LOC128706666: variants seen among roughly 807,000 people sequenced by gnomAD.
the LOC128706666 span, among the ~76,000 whole-genome samples, chr20:10,429,831 A>G: frequency 6.6e-6 from 1 of 152,168 alleles, no homozygotes; most frequent in Non-Finnish European, 1.5e-5. Flanking sequence ...GCCATTAGCA[A>G]CACTTGGGAA....
At chr20:10,417,085 T>C in the LOC128706666 span, among the ~76,000 whole-genome samples, 2 of 151,780 alleles carry the variant, frequency 1.3e-5, no homozygotes. Flanking sequence ...CTGTCTCTAC[T>C]AAAAAAATAC....
chr20:10,433,471 T>C, the LOC128706666 span, among the ~76,000 whole-genome samples: 1 of 152,204 alleles, frequency 6.6e-6, no homozygotes. Context: ...GACACGTGTA[T>C]ATCTGTTTAT....
At chr20:10,414,872 T>C in the LOC128706666 span, among the ~76,000 whole-genome samples, 1 of 152,182 alleles carries the variant, frequency 6.6e-6, no homozygotes, top group Non-Finnish European at 1.5e-5. Context: ...TTTTACGTTA[T>C]CAATCAATGA....
At chr20:10,418,121 G>T in the LOC128706666 span, among the ~76,000 whole-genome samples, 1 of 152,300 alleles carries the variant, frequency 6.6e-6, no homozygotes, top group Admixed American at 6.5e-5. Flanking sequence ...ATGCAAATGT[G>T]TTTGTGTATG....
the LOC128706666 span, among the ~76,000 whole-genome samples, chr20:10,414,763 A>G: frequency 3.9e-5 from 6 of 152,186 alleles, no homozygotes; most frequent in African/African-American, 1.4e-4. Context: ...TCACTAATGT[A>G]TAGTCTATAT....
At chr20:10,415,911 T>C in the LOC128706666 span, among the ~76,000 whole-genome samples, 104 of 152,202 alleles carry the variant, frequency 6.8e-4, 1 homozygote, top group African/African-American at 2.4e-3. Flanking sequence ...CAAATCATTT[T>C]AAAGATGCCA....
chr20:10,430,756 C>G, the LOC128706666 span, among the ~76,000 whole-genome samples: 18 of 152,130 alleles, frequency 1.2e-4, no homozygotes, highest in African/African-American at 4.3e-4. Flanking sequence ...TGAAGGAAGT[C>G]AGAAAACTGA....
chr20:10,423,653 T>A, the LOC128706666 span, among the ~76,000 whole-genome samples: 1 of 152,198 alleles, frequency 6.6e-6, no homozygotes, highest in African/African-American at 2.4e-5. Flanking sequence ...TAGCTCCCTA[T>A]AATACTTAGT....
At chr20:10,421,616 A>G in the LOC128706666 span, among the ~76,000 whole-genome samples, 3 of 152,086 alleles carry the variant, frequency 2.0e-5, no homozygotes, top group Non-Finnish European at 4.4e-5. Flanking sequence ...AATCAGAATG[A>G]ATGTAATGCC....
At chr20:10,431,808 A>T in the LOC128706666 span, 1 of 152,112 alleles carries the variant, frequency 6.6e-6, no homozygotes, top group Non-Finnish European at 1.5e-5. Context: ...AAAAGTAGAG[A>T]ATCTTGTCCC....
chr20:10,424,334 C>T, the LOC128706666 span, among the ~76,000 whole-genome samples: 1 of 151,996 alleles, frequency 6.6e-6, no homozygotes, highest in African/African-American at 2.4e-5. Context: ...GGCAGGGGGA[C>T]TGCTTGAGCC....
At chr20:10,432,970 C>T in the LOC128706666 span, among the ~76,000 whole-genome samples, 6 of 152,150 alleles carry the variant, frequency 3.9e-5, no homozygotes, top group Non-Finnish European at 7.4e-5. Context: ...TGCACGTGTT[C>T]AGTACAGATG....
At chr20:10,423,229 AGGCAACGT>A in the LOC128706666 span, among the ~76,000 whole-genome samples, 1 of 152,082 alleles carries the variant, frequency 6.6e-6, no homozygotes, top group Non-Finnish European at 1.5e-5. Flanking sequence ...ACTTGAGCCT[AGGCAACGT>A]GGCAAAACCC....
the LOC128706666 span, among the ~76,000 whole-genome samples, chr20:10,422,191 A>G: frequency 6.6e-6 from 1 of 152,156 alleles, no homozygotes; most frequent in Non-Finnish European, 1.5e-5. Context: ...TTTCTCCCAA[A>G]GGTCTCAATT....
At chr20:10,414,196 T>C in the LOC128706666 span, among the ~76,000 whole-genome samples, 5 of 152,050 alleles carry the variant, frequency 3.3e-5, no homozygotes, top group African/African-American at 1.2e-4. Flanking sequence ...TACAGCACAG[T>C]TATTTGAATA....
At chr20:10,433,632 G>A in the LOC128706666 span, among the ~76,000 whole-genome samples, 1 of 152,134 alleles carries the variant, frequency 6.6e-6, no homozygotes, top group East Asian at 1.9e-4. Flanking sequence ...CAAGCCCCGC[G>A]GCTGCTTTCA....
the LOC128706666 span, chr20:10,434,131 C>T: frequency 2.6e-5 from 4 of 152,342 alleles, no homozygotes; most frequent in South Asian, 2.1e-4. Flanking sequence ...GTCGCGCCGC[C>T]CCAGGCCGCC....
the LOC128706666 span, among the ~76,000 whole-genome samples, chr20:10,433,369 G>A: frequency 7.8e-3 from 1,193 of 152,326 alleles, 22 homozygotes; most frequent in African/African-American, 0.026. Flanking sequence ...GATAGGGAGC[G>A]TATTGTTTCT....
the LOC128706666 span, among the ~76,000 whole-genome samples, chr20:10,427,079 CAA>C: frequency 7.3e-6 from 1 of 137,360 alleles, no homozygotes; most frequent in Non-Finnish European, 1.6e-5. Flanking sequence ...CACACACACA[CAA>C]AGTAAGGTTA....
Sources: allele counts gnomAD v4.1 joint callset (sites outside exome capture counted in the v4.1 genomes callset), GRCh38; gene constraint gnomAD v4.1.1; transcripts MANE v1.5.